RUNX2: variants seen among roughly 807,000 people sequenced by gnomAD.
The protein encoded by RUNX2 is runt-related transcription factor 2.
Under a neutral mutation model 51.7 loss-of-function variants are expected in RUNX2, and 10 were observed. That is an observed-to-expected ratio of 0.19 (90% CI 0.12 to 0.33). The LOEUF (loss-of-function observed/expected upper bound fraction) is 0.33. RUNX2 is among the 10% of genes least tolerant of loss of function. The pLI, the probability that RUNX2 is intolerant of heterozygous loss-of-function variation, is 1.00. For missense variants in RUNX2, 562 were observed against 691.3 expected (o/e 0.81, Z 2.10); for synonymous variants, 276 against 273.6 (o/e 1.01, Z -0.09).
rs531163021 is a variant in RUNX2 at position 45,406,436 on chromosome 6, A to G, written c.59-16157A>G. ...TATTCTTTTTATAGTTGTTTTTGGA[A>G]GAGTCTCTCACTCTGTCACCCAGGC... On this transcript the variant is annotated intron_variant, in intron 2 of 8. Coordinates refer to ENST00000647337, the MANE Select transcript of RUNX2 (RefSeq NM_001024630.4). Among the ~76,000 whole-genome samples the G allele has an allele frequency of 3.3e-5, 5 of 152,258 alleles. No individual in the cohort carries two copies. The South Asian group carries it at 1.0e-3, about 32-fold the overall frequency.
chr6:45,368,176 T>C (rs1199662997), intron 2 of RUNX2, among the ~76,000 whole-genome samples: 2 of 152,162 alleles, frequency 1.3e-5, no homozygotes, highest in East Asian at 1.9e-4. Context: ...TGAAAATGCA[T>C]CTGTTTGCCA....
At chr6:45,476,609 C>A (rs950834721) in intron 5 of RUNX2, among the ~76,000 whole-genome samples, 4 of 152,122 alleles carry the variant, frequency 2.6e-5, no homozygotes, top group African/African-American at 9.7e-5. Context: ...GTAAAAAATT[C>A]TCCCATTTGT....
intron 3 of RUNX2, among the ~76,000 whole-genome samples, chr6:45,430,150 G>A (rs1426661045): frequency 6.6e-6 from 1 of 152,040 alleles, no homozygotes; most frequent in Non-Finnish European, 1.5e-5. Context: ...TTTGGGAGCA[G>A]GGTTGATAAG....
intron 5 of RUNX2, 66 bp from the exon 6 acceptor site, chr6:45,491,875 T>A (rs534689054): frequency 6.6e-7 from 1 of 1,504,162 alleles, no homozygotes; most frequent in Non-Finnish European, 9.3e-7. Flanking sequence ...TGTTCACATA[T>A]CTATTTAGCA....
intron 5 of RUNX2, among the ~76,000 whole-genome samples, chr6:45,472,910 C>T (rs1333652175): frequency 1.3e-5 from 2 of 152,146 alleles, no homozygotes; most frequent in African/African-American, 4.8e-5. Flanking sequence ...AGCCTGTTTT[C>T]ACCAGTTCAT....
At chr6:45,367,744 T>C (rs564617786) in intron 2 of RUNX2, among the ~76,000 whole-genome samples, 6 of 152,174 alleles carry the variant, frequency 3.9e-5, no homozygotes, top group Non-Finnish European at 7.4e-5. Context: ...TGGTCAAATG[T>C]CCTGAGACAC....
In RUNX2 at chr6:45,387,038, A is replaced by G. The variant is rs141830258; in HGVS notation, c.59-35555A>G. On this transcript the variant is annotated intron_variant, in intron 2 of 8. Coordinates refer to ENST00000647337, the MANE Select transcript of RUNX2 (RefSeq NM_001024630.4). ...GGTGATACGGGCTAGAGTTAAGTCA[A>G]TGGAGTAGGAAACAATAGAAGATGG... Among the ~76,000 whole-genome samples, 34 of 152,344 alleles carry G rather than the reference A, an allele frequency of 2.2e-4. No individual in the cohort carries two copies. In the East Asian group the frequency reaches 6.4e-3, roughly 29 times the overall value.
At chr6:45,406,084 A>G (rs1456621850) in intron 2 of RUNX2, among the ~76,000 whole-genome samples, 1 of 152,172 alleles carries the variant, frequency 6.6e-6, no homozygotes, top group Non-Finnish European at 1.5e-5. Flanking sequence ...CAATCTCTCT[A>G]CCTATTTCAC....
At chr6:45,470,022 C>T (rs182397527) in intron 5 of RUNX2, among the ~76,000 whole-genome samples, 1 of 152,224 alleles carries the variant, frequency 6.6e-6, no homozygotes, top group Non-Finnish European at 1.5e-5. Context: ...AGCTACTGCA[C>T]ACACTATCGC....
At chr6:45,422,413 G>T (rs998417454) in intron 2 of RUNX2, 180 bp from the exon 3 acceptor site, 1 of 627,642 alleles carries the variant, frequency 1.6e-6, no homozygotes, top group Non-Finnish European at 2.9e-6. Flanking sequence ...ATCAGACTCC[G>T]CCCGGCAGTC....
At chr6:45,522,498 T>C (rs1477430223) in intron 7 of RUNX2, among the ~76,000 whole-genome samples, 1 of 152,256 alleles carries the variant, frequency 6.6e-6, no homozygotes, top group Non-Finnish European at 1.5e-5. Context: ...CTTCAACAAT[T>C]ACGTTTTCAA....
At chr6:45,431,779 C>T in intron 3 of RUNX2, 84 bp from the exon 4 acceptor site, 1 of 1,463,410 alleles carries the variant, frequency 6.8e-7, no homozygotes, top group South Asian at 1.1e-5. Context: ...CCTGATAAGA[C>T]ACATCATTTG....
intron 5 of RUNX2, among the ~76,000 whole-genome samples, chr6:45,466,363 C>T (rs976306268): frequency 4.0e-5 from 6 of 151,738 alleles, no homozygotes; most frequent in Non-Finnish European, 7.4e-5. Context: ...AAAGTATTTA[C>T]GATAACCCTC....
Position 45,490,892 on chromosome 6 carries a change from C to G in RUNX2, c.686-1049C>G, listed in dbSNP as rs193188867. ...GGCACAGAATCTGGAGGAAGGAATC[C>G]CCAGTCCATTTCTGTTTCTCTATTA... On this transcript the variant is annotated intron_variant, in intron 5 of 8. Transcript: ENST00000647337. Among the ~76,000 whole-genome samples the G allele has an allele frequency of 7.4e-3, 1,132 of 152,162 alleles. 8 individuals are homozygous for G. Among genetic ancestry groups the G allele is most frequent in the Non-Finnish European group, 0.01 (690 of 68,020 alleles).
chr6:45,366,574 AC>A (rs1422552014), intron 2 of RUNX2, among the ~76,000 whole-genome samples: 1 of 152,176 alleles, frequency 6.6e-6, no homozygotes, highest in Non-Finnish European at 1.5e-5. Context: ...TCTGCTAAAA[AC>A]TTTTATATAA....
chr6:45,455,353 A>G lies in RUNX2; in HGVS notation c.685+17302A>G, dbSNP rs537913211. On this transcript the variant is annotated intron_variant, in intron 5 of 8. Coordinates refer to ENST00000647337, the MANE Select transcript of RUNX2 (RefSeq NM_001024630.4). ...AATTGACAAATAATTATATTCCAGT[A>G]AAATTCTAATGTTGATATTTAGATG... is the stretch of plus-strand genomic sequence containing the variant. 5.9e-5 allele frequency among the ~76,000 whole-genome samples: 9 copies of G among 152,328 alleles called. No individual in the cohort carries two copies. The South Asian group carries it at 8.3e-4, about 14-fold the overall frequency.
chr6:45,338,595 A>G (rs1257468545), intron 2 of RUNX2, among the ~76,000 whole-genome samples: 1 of 152,092 alleles, frequency 6.6e-6, no homozygotes, highest in South Asian at 2.1e-4. Flanking sequence ...GAATTTAGGA[A>G]GCTCTGAGGG....
chr6:45,499,768 A>G (rs1800747690), intron 6 of RUNX2, among the ~76,000 whole-genome samples: 1 of 152,134 alleles, frequency 6.6e-6, no homozygotes, highest in Non-Finnish European at 1.5e-5. Flanking sequence ...TCTCCTATAT[A>G]ATGCCTCATT....
chr6:45,438,080 G>GTAT (rs1798739768), intron 5 of RUNX2, 29 bp downstream of exon 5: 1 of 1,371,032 alleles, frequency 7.3e-7, no homozygotes, highest in Non-Finnish European at 1.0e-6. Flanking sequence ...ATTGAAGAAA[G>GTAT]TAATAGAGTT....
Sources: allele counts gnomAD v4.1 joint callset (sites outside exome capture counted in the v4.1 genomes callset), GRCh38; gene constraint gnomAD v4.1.1; transcripts MANE v1.5; gene names NCBI Gene and HGNC (gene_info 2026-07-23, HGNC 2026-07-21).